The following IPP variants were observed in gnomAD, a reference collection of about 807,000 sequenced individuals.
The protein encoded by IPP is intracisternal A particle-promoted polypeptide.
In IPP, 41 loss-of-function variants were observed where a neutral mutation model predicts 64.1. The ratio of observed to expected loss-of-function variants is 0.64; its 90% CI spans 0.50 to 0.83. IPP has a LOEUF of 0.83. IPP is among the 40% of genes least tolerant of loss of function. IPP has a pLI of 0.00. For synonymous variants in IPP, 214 were observed against 235.2 expected (o/e 0.91, Z 0.83); for missense variants, 649 against 703.0 (o/e 0.92, Z 0.87).
intron 6 of IPP, among the ~76,000 whole-genome samples, chr1:45,717,221 G>GAAAAAAAAAAAAAAAAAA (rs56338317): frequency 1.0e-5 from 1 of 95,260 alleles, no homozygotes; most frequent in African/African-American, 4.1e-5. Context: ...GCTCTTTTGA[G>GAAAAAAAAAAAAAAAAAA]AAAAAAAAAA....
intron 1 of IPP, among the ~76,000 whole-genome samples, chr1:45,749,799 C>T (rs908939059): frequency 3.9e-5 from 6 of 152,084 alleles, no homozygotes; most frequent in East Asian, 3.9e-4. Context: ...GGATTACAGG[C>T]GTGAGCCACC....
At chr1:45,723,207 G>A (rs1645756714) in intron 5 of IPP, among the ~76,000 whole-genome samples, 1 of 152,240 alleles carries the variant, frequency 6.6e-6, no homozygotes, top group East Asian at 1.9e-4. Flanking sequence ...AATGTTAACT[G>A]CGATTATTCT....
intron 5 of IPP, among the ~76,000 whole-genome samples, chr1:45,724,193 G>C (rs1213151897): frequency 1.3e-5 from 2 of 152,106 alleles, no homozygotes; most frequent in East Asian, 1.9e-4. Context: ...TGTGTTGGCC[G>C]GGCTGGTCTC....
chr1:45,747,999 G>T (rs1268104412), intron 1 of IPP, among the ~76,000 whole-genome samples: 1 of 151,960 alleles, frequency 6.6e-6, no homozygotes, highest in Non-Finnish European at 1.5e-5. Flanking sequence ...GAAAAAAAAT[G>T]GTTACGTTTA....
intron 3 of IPP, among the ~76,000 whole-genome samples, chr1:45,734,585 T>C (rs1645952302): frequency 6.6e-6 from 1 of 152,058 alleles, no homozygotes; most frequent in Non-Finnish European, 1.5e-5. Flanking sequence ...GGACTACTAG[T>C]AGGCACCACC....
Position 45,741,335 on chromosome 1 carries a change from A to T in IPP, c.293-3T>A. 6.3e-7 allele frequency: 1 copy of T among 1,579,390 alleles called. No homozygotes were observed. ...ATTCACACCTATGTTCACTATACCTAGAGAAGTAGGAAGACAAAATGGCCA... is the reference window on the plus strand; with the variant it reads ...ATTCACACCTATGTTCACTATACCTTGAGAAGTAGGAAGACAAAATGGCCA... On this transcript the variant is annotated splice_region_variant and splice_polypyrimidine_tract_variant and intron_variant, in intron 2 of 8. Transcript: ENST00000396478.
chr1:45,735,739 C>T (rs1322963564), intron 3 of IPP, among the ~76,000 whole-genome samples: 2 of 110,344 alleles, frequency 1.8e-5, no homozygotes, highest in African/African-American at 3.3e-5. Context: ...AAGCAATTCT[C>T]CTGCCTCAGC....
At chr1:45,739,949 T>C (rs200809402) in intron 3 of IPP, among the ~76,000 whole-genome samples, 1 of 152,112 alleles carries the variant, frequency 6.6e-6, no homozygotes, top group Non-Finnish European at 1.5e-5. Context: ...TCTCTGGTTT[T>C]CTAGGCAGAG....
At chr1:45,736,808 G>C (rs1365513798) in intron 3 of IPP, among the ~76,000 whole-genome samples, 2 of 151,988 alleles carry the variant, frequency 1.3e-5, no homozygotes, top group African/African-American at 4.8e-5. Context: ...GGGAGGCCAA[G>C]GAGGGTGGAT....
At chr1:45,717,221 G>GAA (rs56338317) in intron 6 of IPP, among the ~76,000 whole-genome samples, 85 of 94,706 alleles carry the variant, frequency 9.0e-4, no homozygotes, top group East Asian at 1.5e-3. Flanking sequence ...GCTCTTTTGA[G>GAA]AAAAAAAAAA....
intron 7 of IPP, 46 bp from the exon 8 acceptor site, chr1:45,714,512 C>G (rs1036627907): frequency 9.3e-7 from 1 of 1,072,282 alleles, no homozygotes; most frequent in Admixed American, 1.7e-5. Context: ...TAGTGAGATA[C>G]AAATAATGAT....
intron 2 of IPP, among the ~76,000 whole-genome samples, chr1:45,743,127 G>A (rs1363718742): frequency 2.7e-5 from 4 of 150,910 alleles, no homozygotes; most frequent in Non-Finnish European, 5.9e-5. Context: ...CAGTAGGGAC[G>A]AGGTTTCACC....
At chr1:45,732,749 C>CTGAGCCCAGGGTG (rs1553192489) in intron 3 of IPP, among the ~76,000 whole-genome samples, 1 of 152,100 alleles carries the variant, frequency 6.6e-6, no homozygotes, top group African/African-American at 2.4e-5. Context: ...TCCCTGAAAG[C>CTGAGCCCAGGGTG]TCCACCTCCT....
At chr1:45,727,343 C>G (rs958915575) in intron 5 of IPP, among the ~76,000 whole-genome samples, 9 of 152,158 alleles carry the variant, frequency 5.9e-5, no homozygotes, top group Non-Finnish European at 1.2e-4. Context: ...AGCCACTGCA[C>G]CCCGCCACAA....
At chr1:45,698,686 C>G (rs978013358), downstream of IPP, 54 of 927,046 alleles carry the variant, frequency 5.8e-5, no homozygotes, top group Non-Finnish European at 2.1e-5. Flanking sequence ...TTGGTGACAA[C>G]AATCTAGCAA....
intron 8 of IPP, among the ~76,000 whole-genome samples, chr1:45,705,632 C>T (rs1055741207): frequency 1.3e-5 from 2 of 152,120 alleles, no homozygotes; most frequent in South Asian, 4.2e-4. Flanking sequence ...ATGGCAAAAC[C>T]CTGTCTCTAC....
At chr1:45,739,968 G>A (rs1046118404) in intron 3 of IPP, among the ~76,000 whole-genome samples, 4 of 152,122 alleles carry the variant, frequency 2.6e-5, no homozygotes, top group Admixed American at 1.3e-4. Flanking sequence ...AGGACCCTGC[G>A]GCCTTCCGCA....
chr1:45,749,469 T>G (rs1294174959), intron 1 of IPP, among the ~76,000 whole-genome samples: 1 of 151,744 alleles, frequency 6.6e-6, no homozygotes, highest in Non-Finnish European at 1.5e-5. Flanking sequence ...TGGGATGTCC[T>G]GTCGGGAGGA....
chr1:45,695,091 A>G (rs575748878), downstream of IPP: 18 of 152,550 alleles, frequency 1.2e-4, no homozygotes, highest in African/African-American at 4.1e-4. Flanking sequence ...GTGGCATTTC[A>G]CCATGTTGGA....
Sources: allele counts gnomAD v4.1 joint callset (sites outside exome capture counted in the v4.1 genomes callset), GRCh38; gene constraint gnomAD v4.1.1; transcripts MANE v1.5; gene names NCBI Gene and HGNC (gene_info 2026-07-23, HGNC 2026-07-21).